The following G3BP2 variants were observed in gnomAD, a reference collection of about 807,000 sequenced individuals.
G3BP2 encodes G3BP stress granule assembly factor 2.
In G3BP2, 11 loss-of-function variants were observed where a neutral mutation model predicts 56.7. The ratio of observed to expected loss-of-function variants is 0.19; its 90% CI spans 0.12 to 0.32. The LOEUF is 0.32. Ranked by LOEUF, G3BP2 falls within the 10% of genes least tolerant of loss-of-function variation. The pLI is 1.00. For missense variants in G3BP2, 340 were observed against 610.9 expected, an observed-to-expected ratio of 0.56 and a Z score of 4.67; for synonymous variants, 165 against 191.6, an observed-to-expected ratio of 0.86 and a Z score of 1.15.
At position 75,673,299 on chromosome 4, in the gene G3BP2, C is replaced by T; in HGVS notation, c.-116G>A. 1 of 1,229,010 alleles carries T rather than the reference C, an allele frequency of 8.1e-7. No homozygotes were observed. Among genetic ancestry groups the T allele is most frequent in the Non-Finnish European group, 1.0e-6 (1 of 986,424 alleles). The allele number at this position is 1,229,010 out of a possible 1,614,324, so 76.1% of individuals were successfully genotyped here. A position where few individuals can be genotyped will look rare whatever the true frequency, so the allele number is the denominator to read the frequency against. ...GCGGGTTCTTATTGCTCGCCGCCCC[C>T]TTCCTCCGACAACTCGGAAGCCTCG... On this transcript the variant is annotated 5_prime_UTR_variant, in exon 1 of 12. Transcript: ENST00000359707.
intron 3 of G3BP2, among the ~76,000 whole-genome samples, chr4:75,688,169 C>CT (rs35480601): frequency 1.2e-3 from 182 of 147,560 alleles, no homozygotes; most frequent in African/African-American, 4.0e-3. Flanking sequence ...TGCCTTCCTT[C>CT]TTTTTTTTTT....
At chr4:75,724,428 G>C (rs1252573860) in exon 1 of G3BP2, 1 of 247,834 alleles carries the variant, frequency 4.0e-6, no homozygotes, top group Non-Finnish European at 8.0e-6. Context: ...CTGCAGGGCC[G>C]GGCTTCCACC....
intron 5 of G3BP2, 122 bp from the exon 6 acceptor site, chr4:75,655,992 CCTTT>C: frequency 3.5e-6 from 2 of 578,176 alleles, no homozygotes; most frequent in Non-Finnish European, 6.1e-6. Flanking sequence ...AATTTTCTTT[CCTTT>C]TTTTTTTTTT....
At chr4:75,699,030 G>A (rs567148282) in intron 3 of G3BP2, among the ~76,000 whole-genome samples, 118 of 152,222 alleles carry the variant, frequency 7.8e-4, no homozygotes, top group African/African-American at 2.8e-3. Flanking sequence ...ATGTATGCCA[G>A]CATCTGTACC....
chr4:75,714,757 A>G (rs1366235551), intron 3 of G3BP2, among the ~76,000 whole-genome samples: 2 of 152,204 alleles, frequency 1.3e-5, no homozygotes, highest in African/African-American at 4.8e-5. Flanking sequence ...AGGCACACTC[A>G]TTTGTAGATA....
chr4:75,673,728 G>T, upstream of G3BP2: 1 of 691,008 alleles, frequency 1.4e-6, no homozygotes, highest in Non-Finnish European at 2.0e-6. Context: ...GAGCTGGTTC[G>T]CAGCAACGCA....
At chr4:75,659,022 C>A in intron 2 of G3BP2, 98 bp from the exon 3 acceptor site, 1 of 899,924 alleles carries the variant, frequency 1.1e-6, no homozygotes, top group South Asian at 1.3e-5. Flanking sequence ...CCCGCTCTGT[C>A]ACTAATTAGT....
rs949772204 is a variant in G3BP2, at chr4:75,693,721, A to G, written c.-25+27156T>C. Among the ~76,000 whole-genome samples the G allele has an allele frequency of 5.9e-5, 9 of 151,550 alleles. No homozygotes were observed. In the Middle Eastern group the frequency reaches 0.01, roughly 172 times the overall value. Reference sequence around the variant, plus strand: ...GGAGAATTGCTTGAACCCGGGAGGCAGAGTTTGCAGTGAGCCAAGATCGCA... The same window carrying G: ...GGAGAATTGCTTGAACCCGGGAGGCGGAGTTTGCAGTGAGCCAAGATCGCA... On this transcript the variant is annotated intron_variant, in intron 3 of 3. Transcript: ENST00000499709.
chr4:75,695,495 A>G (rs949655723), intron 3 of G3BP2, among the ~76,000 whole-genome samples: 1 of 152,188 alleles, frequency 6.6e-6, no homozygotes, highest in African/African-American at 2.4e-5. Flanking sequence ...AAATGTGGGT[A>G]TGGGACTTAG....
At chr4:75,677,298 C>T, upstream of G3BP2, among the ~76,000 whole-genome samples, 1 of 151,986 alleles carries the variant, frequency 6.6e-6, no homozygotes, top group East Asian at 1.9e-4. Context: ...TGCGGCTGGG[C>T]GCAGTGGTTC....
chr4:75,713,872 GAGA>G (rs1350835267), intron 3 of G3BP2, among the ~76,000 whole-genome samples: 1 of 152,228 alleles, frequency 6.6e-6, no homozygotes, highest in Non-Finnish European at 1.5e-5. Flanking sequence ...GATATACTAT[GAGA>G]AGGACAGCAC....
Position 75,673,400 on chromosome 4 carries a change from G to C in G3BP2, c.-217C>G, listed in dbSNP as rs1298175551. On this transcript the variant is annotated 5_prime_UTR_variant, in exon 1 of 12. Transcript: ENST00000359707. ...CGCCAGGCGCTGCGACGTGCGACAA[G>C]GACCACGGACGTCCCGCCCCCTTTG... 2 of 1,232,230 alleles carry C rather than the reference G, an allele frequency of 1.6e-6. No individual in the cohort carries two copies. Among genetic ancestry groups the C allele is most frequent in the African/African-American group, 1.5e-5 (1 of 64,564 alleles). The allele number at this position is 1,232,230 out of a possible 1,614,324, so 76.3% of individuals were successfully genotyped here. A position where few individuals can be genotyped will look rare whatever the true frequency, so the allele number is the denominator to read the frequency against.
chr4:75,694,882 G>C, intron 3 of G3BP2: 1 of 985,534 alleles, frequency 1.0e-6, no homozygotes, highest in South Asian at 4.7e-5. Flanking sequence ...AACAGCCGAA[G>C]GGGTTTTCAG....
chr4:75,688,418 T>C (rs1718713692), intron 3 of G3BP2, among the ~76,000 whole-genome samples: 1 of 152,164 alleles, frequency 6.6e-6, no homozygotes, highest in Non-Finnish European at 1.5e-5. Flanking sequence ...TTATGGCTAT[T>C]TTGTTTGTTG....
intron 3 of G3BP2, among the ~76,000 whole-genome samples, chr4:75,704,720 C>T (rs1477194547): frequency 9.9e-5 from 15 of 152,062 alleles, no homozygotes; most frequent in Non-Finnish European, 5.9e-5. Flanking sequence ...GCAACCTCCA[C>T]CTCCTGGGTT....
chr4:75,699,407 T>TTA (rs972908605), intron 3 of G3BP2, among the ~76,000 whole-genome samples: 87 of 152,336 alleles, frequency 5.7e-4, no homozygotes, highest in African/African-American at 2.0e-3. Flanking sequence ...TGGGAGTCAT[T>TTA]ATTTCCATTG....
intron 3 of G3BP2, among the ~76,000 whole-genome samples, chr4:75,695,824 G>A (rs1440017401): frequency 2.0e-5 from 3 of 151,864 alleles, no homozygotes; most frequent in Non-Finnish European, 4.4e-5. Flanking sequence ...AAATACAAAA[G>A]TTAGCCAGGC....
intron 9 of G3BP2, among the ~76,000 whole-genome samples, chr4:75,647,998 TA>T (rs1731357644): frequency 6.6e-6 from 1 of 152,180 alleles, no homozygotes; most frequent in South Asian, 2.1e-4. Context: ...TGTTTATCTG[TA>T]AAGAGATAAG....
Position 75,656,101 on chromosome 4 carries a change from C to T in G3BP2, c.443-231G>A, listed in dbSNP as rs561490553. 5.3e-5 allele frequency among the ~76,000 whole-genome samples: 8 copies of T among 151,660 alleles called. No homozygotes were observed. In the East Asian group the frequency reaches 1.6e-3, roughly 29 times the overall value. On this transcript the variant is annotated intron_variant, in intron 5 of 11. Transcript: ENST00000359707. Reference sequence around the variant, plus strand: ...CGCCTTCTGGGTTCAAACGATTCTCCTGCCTCAGCCTCTTGAGTAGCTGGG... The same window carrying T: ...CGCCTTCTGGGTTCAAACGATTCTCTTGCCTCAGCCTCTTGAGTAGCTGGG...
Sources: gnomAD v4.1 joint callset for allele counts (sites outside exome capture counted in the v4.1 genomes callset) on GRCh38, gnomAD v4.1.1 for gene constraint, MANE v1.5 for transcripts, NCBI Gene and HGNC (gene_info 2026-07-23, HGNC 2026-07-21) for gene names.